The following TENM2 variants were observed in gnomAD, a reference collection of about 807,000 sequenced individuals.
The protein encoded by TENM2 is teneurin-2.
A neutral mutation model predicts 245.2 loss-of-function variants in TENM2; 52 were observed. The observed-to-expected ratio is 0.21, with a 90% CI of 0.17 to 0.27. The LOEUF (loss-of-function observed/expected upper bound fraction) is 0.27. Ranked by LOEUF, TENM2 falls within the 10% of genes least tolerant of loss-of-function variation. The probability of loss-of-function intolerance (pLI) is 1.00; values close to 1 mark genes in which losing one functional copy is unlikely to be tolerated. For missense variants in TENM2, 3,046 were observed against 3,666.8 expected (o/e 0.83, Z 4.37); for synonymous variants, 1,363 against 1,438.9 (o/e 0.95, Z 1.19).
chr5:167,583,237 A>T (rs1208625301), intron 2 of TENM2, among the ~76,000 whole-genome samples: 1 of 152,200 alleles, frequency 6.6e-6, no homozygotes, highest in Non-Finnish European at 1.5e-5. Context: ...TTGGCTTAGA[A>T]CTTAATATGC....
the TENM2 span, among the ~76,000 whole-genome samples, chr5:167,049,629 T>C: frequency 1.2e-4 from 18 of 152,354 alleles, no homozygotes; most frequent in East Asian, 3.5e-3. Flanking sequence ...GTTTTTATAA[T>C]GTAAACAATA....
At chr5:167,013,443 A>C in the TENM2 span, among the ~76,000 whole-genome samples, 1,262 of 152,294 alleles carry the variant, frequency 8.3e-3, 17 homozygotes, top group Non-Finnish European at 9.8e-3. Context: ...ATTCCAGGTA[A>C]ATGAAAGAAA....
intron 2 of TENM2, among the ~76,000 whole-genome samples, chr5:167,579,502 C>A (rs13179958): frequency 0.01 from 1,533 of 152,310 alleles, 22 homozygotes; most frequent in African/African-American, 0.035. Flanking sequence ...CAGCTTGCAC[C>A]AGAGCTACCT....
chr5:167,816,634 T>C (rs1767079278), intron 2 of TENM2, among the ~76,000 whole-genome samples: 1 of 152,102 alleles, frequency 6.6e-6, no homozygotes, highest in African/African-American at 2.4e-5. Context: ...CAGCAGTGTG[T>C]ATTTAGAGAC....
chr5:167,565,900 T>G (rs1773876919), intron 2 of TENM2, among the ~76,000 whole-genome samples: 1 of 152,228 alleles, frequency 6.6e-6, no homozygotes, highest in Admixed American at 6.5e-5. Context: ...GGCACTTTTC[T>G]TTGACATCTG....
intron 3 of TENM2, among the ~76,000 whole-genome samples, chr5:167,939,542 G>A (rs1007867904): frequency 2.0e-5 from 3 of 152,180 alleles, no homozygotes; most frequent in African/African-American, 4.8e-5. Flanking sequence ...TAACAATTTA[G>A]TGGGCTAAAA....
At chr5:167,741,884 G>A (rs1428380689) in intron 2 of TENM2, among the ~76,000 whole-genome samples, 1 of 152,064 alleles carries the variant, frequency 6.6e-6, no homozygotes, top group Non-Finnish European at 1.5e-5. Context: ...ACTGTATTAA[G>A]CCTGTGGACA....
At chr5:167,186,519 C>T in the TENM2 span, among the ~76,000 whole-genome samples, 6 of 152,096 alleles carry the variant, frequency 3.9e-5, no homozygotes, top group South Asian at 2.1e-4. Flanking sequence ...GAAAATGGGT[C>T]GGAATTAAAG....
At chr5:167,234,438 T>C in the TENM2 span, among the ~76,000 whole-genome samples, 1 of 152,174 alleles carries the variant, frequency 6.6e-6, no homozygotes, top group Non-Finnish European at 1.5e-5. Flanking sequence ...AATTATTAAA[T>C]GGCCAGACTA....
the TENM2 span, among the ~76,000 whole-genome samples, chr5:166,979,188 C>CAGCAGCAGCAGCAGCAG: frequency 1.9e-4 from 19 of 97,610 alleles, no homozygotes; most frequent in African/African-American, 6.1e-4. Flanking sequence ...AGCAGCAGCA[C>CAGCAGCAGCAGCAGCAG]CACCACCAGC....
exon 11 of TENM2, chr5:168,125,035 C>T: frequency 1.2e-6 from 2 of 1,607,564 alleles, no homozygotes; most frequent in South Asian, 1.1e-5. Context: ...CTGGATGGGT[C>T]CCGACTGCTC....
At chr5:167,629,940 A>T (rs973093699) in intron 2 of TENM2, among the ~76,000 whole-genome samples, 5 of 151,990 alleles carry the variant, frequency 3.3e-5, no homozygotes, top group African/African-American at 1.2e-4. Context: ...GAAGAGGGGA[A>T]ATGGAACAAT....
chr5:168,221,335 C>T (rs781712165), intron 23 of TENM2, among the ~76,000 whole-genome samples: 8 of 151,952 alleles, frequency 5.3e-5, no homozygotes, highest in Non-Finnish European at 1.0e-4. Flanking sequence ...TTTGATTATC[C>T]CCATTTTATT....
chr5:168,004,339 T>G (rs955301190), intron 5 of TENM2, among the ~76,000 whole-genome samples: 1 of 152,148 alleles, frequency 6.6e-6, no homozygotes, highest in Non-Finnish European at 1.5e-5. Context: ...TTCTGTGGAT[T>G]TATGAACTGC....
the TENM2 span, among the ~76,000 whole-genome samples, chr5:167,110,883 T>C: frequency 6.6e-6 from 1 of 152,232 alleles, no homozygotes; most frequent in Non-Finnish European, 1.5e-5. Context: ...TTTGAGAATT[T>C]GTACTTGCAT....
intron 2 of TENM2, among the ~76,000 whole-genome samples, chr5:167,840,058 T>C (rs539983185): frequency 1.9e-4 from 29 of 152,320 alleles, no homozygotes; most frequent in Admixed American, 1.2e-3. Flanking sequence ...TGACTTCAGG[T>C]GATCCACCCG....
intron 2 of TENM2, among the ~76,000 whole-genome samples, chr5:167,722,545 G>A (rs940279284): frequency 6.6e-6 from 1 of 152,058 alleles, no homozygotes; most frequent in Non-Finnish European, 1.5e-5. Context: ...AAAGAAAAAG[G>A]GATACAGATC....
chr5:167,909,547 A>G (rs1022233779), intron 3 of TENM2, among the ~76,000 whole-genome samples: 22 of 152,168 alleles, frequency 1.4e-4, no homozygotes, highest in Admixed American at 1.4e-3. Flanking sequence ...ATTAATTCTT[A>G]TTTGTCAGTA....
chr5:167,379,523 G>T (rs971055967), intron 2 of TENM2, among the ~76,000 whole-genome samples: 2 of 152,062 alleles, frequency 1.3e-5, no homozygotes, highest in African/African-American at 2.4e-5. Flanking sequence ...GCATTGGAGC[G>T]TTTCTTAAGT....
Sources: allele counts gnomAD v4.1 joint callset (sites outside exome capture counted in the v4.1 genomes callset), GRCh38; gene constraint gnomAD v4.1.1; transcripts MANE v1.5; gene names NCBI Gene and HGNC (gene_info 2026-07-23, HGNC 2026-07-21).